The following NADSYN1 variants were observed in gnomAD, a reference collection of about 807,000 sequenced individuals.
NADSYN1 encodes the protein glutamine-dependent NAD(+) synthetase.
A neutral mutation model predicts 99.3 loss-of-function variants in NADSYN1; 80 were observed. The observed-to-expected ratio is 0.81, with a 90% CI of 0.67 to 0.97. NADSYN1 has a LOEUF of 0.97. NADSYN1 is among the 50% of genes least tolerant of loss of function. The pLI, the probability that NADSYN1 is intolerant of heterozygous loss-of-function variation, is 0.00. For synonymous variants in NADSYN1, 385 were observed against 372.1 expected (o/e 1.03, Z -0.40); for missense variants, 859 against 948.5 (o/e 0.91, Z 1.24).
intron 5 of NADSYN1, among the ~76,000 whole-genome samples, chr11:71,466,566 G>A (rs758636157): frequency 2.6e-5 from 4 of 152,204 alleles, no homozygotes; most frequent in Admixed American, 6.5e-5. Context: ...ACTCTCTTCT[G>A]CAGGCTCCAA....
At chr11:71,465,454 T>C (rs1242179814) in intron 5 of NADSYN1, among the ~76,000 whole-genome samples, 1 of 152,222 alleles carries the variant, frequency 6.6e-6, no homozygotes, top group Non-Finnish European at 1.5e-5. Context: ...CTCTCAGTCA[T>C]CAATCAGGGA....
intron 16 of NADSYN1, among the ~76,000 whole-genome samples, chr11:71,488,417 C>A (rs1041026009): frequency 6.6e-6 from 1 of 151,982 alleles, no homozygotes; most frequent in African/African-American, 2.4e-5. Flanking sequence ...GAGAAGAGCC[C>A]GTGAAGCCCT....
At chr11:71,492,450 T>C (rs1273162620) in intron 18 of NADSYN1, among the ~76,000 whole-genome samples, 2 of 152,176 alleles carry the variant, frequency 1.3e-5, no homozygotes, top group Non-Finnish European at 2.9e-5. Flanking sequence ...CTTTTGTGTG[T>C]GGTATGAGGA....
chr11:71,490,520 C>G (rs1334948916), intron 16 of NADSYN1, among the ~76,000 whole-genome samples: 6 of 152,158 alleles, frequency 3.9e-5, no homozygotes, highest in Non-Finnish European at 8.8e-5. Flanking sequence ...GCAGAGTGTC[C>G]ACGTGTGTCC....
At chr11:71,489,587 C>T (rs1436654680) in intron 16 of NADSYN1, among the ~76,000 whole-genome samples, 2 of 152,222 alleles carry the variant, frequency 1.3e-5, no homozygotes, top group Non-Finnish European at 2.9e-5. Flanking sequence ...TCCCCTGGCC[C>T]ATCTGGCCCG....
chr11:71,497,263 T>TC, intron 18 of NADSYN1: 1 of 549,720 alleles, frequency 1.8e-6, no homozygotes, highest in Non-Finnish European at 3.2e-6. Flanking sequence ...GTTCACCCGT[T>TC]ACGGTCCTCC....
chr11:71,488,433 A>G lies in NADSYN1; in HGVS notation c.1563-2412A>G, dbSNP rs891845419. ...AGAAGAGCCCGTGAAGCCCTGAGTCATGACTCCCCCAGGACTGAGAGCCCA... is the reference window on the plus strand; with the variant it reads ...AGAAGAGCCCGTGAAGCCCTGAGTCGTGACTCCCCCAGGACTGAGAGCCCA... On this transcript the variant is annotated intron_variant, in intron 16 of 20. Transcript: ENST00000319023. 4.6e-5 allele frequency among the ~76,000 whole-genome samples: 7 copies of G among 152,216 alleles called. No homozygotes were observed. The South Asian group carries it at 1.5e-3, about 32-fold the overall frequency.
intron 9 of NADSYN1, 64 bp from the exon 10 acceptor site, chr11:71,478,331 A>T: frequency 7.1e-7 from 1 of 1,400,070 alleles, no homozygotes; most frequent in South Asian, 1.2e-5. Flanking sequence ...GACAGTGGCC[A>T]AATTACACGT....
At chr11:71,487,984 G>A (rs1019882228) in intron 16 of NADSYN1, among the ~76,000 whole-genome samples, 5 of 152,116 alleles carry the variant, frequency 3.3e-5, no homozygotes, top group Non-Finnish European at 7.4e-5. Flanking sequence ...TGTTTCCCAT[G>A]CTGCATCTCC....
chr11:71,466,037 T>C (rs1949586816), intron 5 of NADSYN1, among the ~76,000 whole-genome samples: 1 of 152,228 alleles, frequency 6.6e-6, no homozygotes, highest in Non-Finnish European at 1.5e-5. Context: ...TCTTTGCTAA[T>C]GGGCAATTTC....
At position 71,464,085 on chromosome 11, in the gene NADSYN1, T is replaced by C; in HGVS notation, c.350T>C (p.Leu117Ser). 6.2e-7 allele frequency: 1 copy of C among 1,612,818 alleles called. No homozygotes were observed. Among genetic ancestry groups the C allele is most frequent in the South Asian group, 1.1e-5 (1 of 90,684 alleles). ...CTGCTCATCAGACCCAAGATGGCCTTGGCCAATGAAGGCAACTACCGCGAG... is the reference window on the plus strand; with the variant it reads ...CTGCTCATCAGACCCAAGATGGCCTCGGCCAATGAAGGCAACTACCGCGAG... ...KILLIRPKMALANEGNYRELR... is the reference protein window; with the variant it reads ...KILLIRPKMASANEGNYRELR... The change falls in exon 5 of 21, where the codon TTG becomes TCG. Residue 117 changes from leucine (L) to serine (S), a missense_variant. By Grantham distance (145) the Leu-to-Ser change is moderately radical. Coordinates refer to ENST00000319023, the MANE Select transcript of NADSYN1 (RefSeq NM_018161.5).
At position 71,473,154 on chromosome 11, in the gene NADSYN1, A is replaced by G. The variant is rs180914573; in HGVS notation, c.460-124A>G. On this transcript the variant is annotated intron_variant, in intron 6 of 20. Transcript: ENST00000319023. ...GCCGCAGGGCACCCACCTCTTCGGAATGTGCGAGAGCCCAGAGCCAACTCC... is the reference window on the plus strand; with the variant it reads ...GCCGCAGGGCACCCACCTCTTCGGAGTGTGCGAGAGCCCAGAGCCAACTCC... 60 of 907,576 alleles carry G rather than the reference A, an allele frequency of 6.6e-5. No individual in the cohort carries two copies. The East Asian group carries it at 1.4e-3, about 21-fold the overall frequency. The allele number at this position is 907,576 out of a possible 1,614,324, so 56.2% of individuals were successfully genotyped here.
rs201788486 is a variant in NADSYN1 at position 71,490,933 on chromosome 11, G to A, written c.1651G>A (p.Val551Ile). 4.8e-5 allele frequency: 78 copies of A among 1,614,218 alleles called. No individual in the cohort carries two copies. The highest frequency in any genetic ancestry group is 6.7e-5 in the Admixed American group (4 of 60,032). Residue 551 changes from valine to isoleucine, a missense_variant, in exon 17 of 21, where the codon GTC becomes ATC. Val to Ile is a conservative substitution (Grantham distance 29). Coordinates refer to ENST00000319023, the MANE Select transcript of NADSYN1 (RefSeq NM_018161.5). ...GISKTDLRAFVQFCIQRFQLP... is the reference protein window; with the variant it reads ...GISKTDLRAFIQFCIQRFQLP... Reference sequence around the variant, plus strand: ...CAGCAAGACGGACCTCAGGGCCTTCGTCCAGTTCTGCATCCAGCGCTTCCA... The same window carrying A: ...CAGCAAGACGGACCTCAGGGCCTTCATCCAGTTCTGCATCCAGCGCTTCCA...
chr11:71,464,352 G>T, intron 5 of NADSYN1: 1 of 504,344 alleles, frequency 2.0e-6, no homozygotes, highest in Non-Finnish European at 3.5e-6. Flanking sequence ...CCCCTCCACA[G>T]GGTGGGAGCA....
intron 18 of NADSYN1, 133 bp downstream of exon 18, chr11:71,492,036 C>T: frequency 2.6e-6 from 2 of 765,880 alleles, no homozygotes; most frequent in Non-Finnish European, 4.2e-6. Context: ...GGCCTGGGTG[C>T]CCAGGGCTCA....
chr11:71,473,763 C>A, intron 8 of NADSYN1, 77 bp downstream of exon 8: 1 of 1,053,708 alleles, frequency 9.5e-7, no homozygotes, highest in Non-Finnish European at 1.5e-6. Flanking sequence ...CAGTGCCCAT[C>A]GCAGGGCTGG....
intron 18 of NADSYN1, among the ~76,000 whole-genome samples, chr11:71,492,990 C>T (rs1037003645): frequency 7.9e-5 from 12 of 151,842 alleles, no homozygotes; most frequent in East Asian, 5.8e-4. Flanking sequence ...CTGGCTCAAG[C>T]GATTCTCCTA....
chr11:71,469,678 T>C (rs749224078), intron 5 of NADSYN1, among the ~76,000 whole-genome samples: 4 of 152,204 alleles, frequency 2.6e-5, no homozygotes, highest in Non-Finnish European at 4.4e-5. Flanking sequence ...TTTTCCGCCC[T>C]GGGTGGGCCA....
At chr11:71,454,950 A>G (rs780216344) in intron 1 of NADSYN1, among the ~76,000 whole-genome samples, 160 bp from the exon 2 acceptor site, 1 of 152,190 alleles carries the variant, frequency 6.6e-6, no homozygotes, top group Admixed American at 6.5e-5. Flanking sequence ...CATGCTGTCA[A>G]CAGGAAGCCT....
Sources: gnomAD v4.1 joint callset for allele counts (sites outside exome capture counted in the v4.1 genomes callset) on GRCh38, gnomAD v4.1.1 for gene constraint, MANE v1.5 for transcripts, NCBI Gene and HGNC (gene_info 2026-07-23, HGNC 2026-07-21) for gene names.